Variants in ZRANB1 observed in about 807,000 individuals in gnomAD.
ZRANB1 encodes ubiquitin thioesterase ZRANB1.
ZRANB1 carries 16 observed loss-of-function variants against 80.5 expected under a neutral mutation model. That is an observed-to-expected ratio of 0.20 (90% CI 0.13 to 0.30). The LOEUF is 0.30. Among genes scored for constraint, ZRANB1 ranks in the 10% least tolerant of loss-of-function variants. The pLI, the probability that ZRANB1 is intolerant of heterozygous loss-of-function variation, is 1.00. For missense variants in ZRANB1, 576 were observed against 862.6 expected, an observed-to-expected ratio of 0.67 and a Z score of 4.16; for synonymous variants, 291 against 293.1, an observed-to-expected ratio of 0.99 and a Z score of 0.07.
At chr10:124,961,617 A>G (rs2114834) in intron 1 of ZRANB1, among the ~76,000 whole-genome samples, 95,595 of 152,084 alleles carry the variant, frequency 0.63, 32,238 homozygotes, top group East Asian at 0.76. Context: ...ACTCTGATCA[A>G]AGATGTAAGG....
At chr10:124,944,516 C>A (rs1447222065) in intron 1 of ZRANB1, among the ~76,000 whole-genome samples, 1 of 119,238 alleles carries the variant, frequency 8.4e-6, no homozygotes, top group Admixed American at 1.0e-4. Flanking sequence ...GATGGGATCT[C>A]ACTCTGTCAC....
the ZRANB1 span, among the ~76,000 whole-genome samples, chr10:124,926,908 A>G: frequency 1.1e-3 from 161 of 152,304 alleles, no homozygotes; most frequent in Non-Finnish European, 1.8e-3. Flanking sequence ...TGTCACATAT[A>G]CAGTCTGTCT....
chr10:124,984,919 A>G lies in ZRANB1; in HGVS notation c.2054A>G (p.Asp685Gly). 6.2e-7 allele frequency: 1 copy of G among 1,613,898 alleles called. No homozygotes were observed. The highest frequency in any genetic ancestry group is 8.5e-7 in the Non-Finnish European group (1 of 1,179,988). The change falls in exon 9 of 9, where the codon GAC (aspartate) becomes GGC (glycine). Residue 685 changes from aspartate to glycine, a missense_variant. Asp to Gly is a moderately conservative substitution (Grantham distance 94). Coordinates refer to ENST00000359653, the MANE Select transcript of ZRANB1 (RefSeq NM_017580.3). ...LVTQMVEKWL[D>G]RYRQIRPCTS... ...ACTCAGATGGTAGAAAAATGGCTTG[A>G]CCGCTACCGACAGATCCGGCCGTGT...
chr10:124,963,253 A>G (rs758944556), intron 1 of ZRANB1, among the ~76,000 whole-genome samples: 2 of 142,478 alleles, frequency 1.4e-5, no homozygotes, highest in Non-Finnish European at 3.0e-5. Flanking sequence ...GTGACAGAGC[A>G]AGACTCTGTC....
At chr10:124,955,467 C>T (rs971583674) in intron 1 of ZRANB1, among the ~76,000 whole-genome samples, 8 of 151,998 alleles carry the variant, frequency 5.3e-5, no homozygotes, top group East Asian at 1.9e-4. Flanking sequence ...GGCCTGCATC[C>T]GTAAAAGGAA....
rs1029348297 is a variant in ZRANB1 at position 124,985,712 on chromosome 10, A to G, written c.*720A>G. ...ATATTTAGATATTTATTTGTTGGGA[A>G]GAATACCTTAAAATGAGGGTTCTTA... On this transcript the variant is annotated 3_prime_UTR_variant, in exon 9 of 9. Transcript: ENST00000359653. 1.3e-5 allele frequency: 2 copies of G among 152,562 alleles called. No individual in the cohort carries two copies. The highest frequency in any genetic ancestry group is 2.9e-5 in the Non-Finnish European group (2 of 68,052). 9.5% of individuals were successfully genotyped at this position (152,562 alleles called of 1,614,324 possible). A position where few individuals can be genotyped will look rare whatever the true frequency, so the allele number is the denominator to read the frequency against.
At chr10:124,922,836 T>C in the ZRANB1 span, among the ~76,000 whole-genome samples, 3 of 152,142 alleles carry the variant, frequency 2.0e-5, no homozygotes, top group East Asian at 5.8e-4. Flanking sequence ...CCACTGCGCC[T>C]GGCCCTAAAT....
At chr10:124,917,297 CA>C in the ZRANB1 span, 137 of 151,820 alleles carry the variant, frequency 9.0e-4, no homozygotes, top group Non-Finnish European at 1.4e-3. Flanking sequence ...GGGGGCGCCC[CA>C]CCGCGGCCTG....
chr10:124,945,386 G>A (rs2134245549), intron 1 of ZRANB1: 1 of 137,982 alleles, frequency 7.2e-6, no homozygotes, highest in Middle Eastern at 3.9e-3. Context: ...TTGCTTGTAT[G>A]CCTTTGGAAC....
At chr10:124,927,018 G>A in the ZRANB1 span, among the ~76,000 whole-genome samples, 1 of 152,110 alleles carries the variant, frequency 6.6e-6, no homozygotes, top group Non-Finnish European at 1.5e-5. Context: ...GCAGTGGCGC[G>A]ATCTCGGCTC....
the ZRANB1 span, among the ~76,000 whole-genome samples, chr10:124,928,489 G>A: frequency 3.6e-4 from 55 of 152,268 alleles, no homozygotes; most frequent in African/African-American, 1.0e-3. Context: ...TATATTAGAA[G>A]TGTTGAAGGC....
In ZRANB1 at chr10:124,985,747, C is replaced by T. The variant is rs992997795; in HGVS notation, c.*755C>T. 20 of 152,308 alleles carry T rather than the reference C, an allele frequency of 1.3e-4. No individual in the cohort carries two copies. The highest frequency in any genetic ancestry group is 7.9e-4 in the Admixed American group (12 of 15,270). 9.4% of individuals were successfully genotyped at this position (152,308 alleles called of 1,614,324 possible). A position where few individuals can be genotyped will look rare whatever the true frequency, so the allele number is the denominator to read the frequency against. On this transcript the variant is annotated 3_prime_UTR_variant, in exon 9 of 9. Transcript: ENST00000359653. ...AAAATGAGGGTTCTTATTCCAGATT[C>T]TGGGCAGTGGTCTGTGAGTAGTTTT...
At chr10:124,959,504 C>A (rs950392438) in intron 1 of ZRANB1, among the ~76,000 whole-genome samples, 1 of 151,776 alleles carries the variant, frequency 6.6e-6, no homozygotes, top group Non-Finnish European at 1.5e-5. Context: ...CTTTGTCACC[C>A]AGGCTGGGTG....
chr10:124,943,253 C>G lies in ZRANB1; in HGVS notation c.760C>G (p.Gln254Glu). ...ELEVDFKKLKQIKNRMKKTDW... is the reference protein window; with the variant it reads ...ELEVDFKKLKEIKNRMKKTDW... Reference sequence around the variant, plus strand: ...TGAAGTAGACTTTAAAAAACTAAAGCAAATTAAAAACAGGATGAAAAAGAC... The same window carrying G: ...TGAAGTAGACTTTAAAAAACTAAAGGAAATTAAAAACAGGATGAAAAAGAC... Residue 254 changes from glutamine (Q) to glutamate (E), a missense_variant, in exon 1 of 9, where the codon CAA (glutamine) becomes GAA (glutamate). Coordinates refer to ENST00000359653, the MANE Select transcript of ZRANB1 (RefSeq NM_017580.3). 1 of 1,614,064 alleles carries G rather than the reference C, an allele frequency of 6.2e-7. No homozygotes were observed. The highest frequency in any genetic ancestry group is 8.5e-7 in the Non-Finnish European group (1 of 1,180,012).
At chr10:124,981,874 A>AT in intron 6 of ZRANB1, 45 bp downstream of exon 6, 1 of 1,609,690 alleles carries the variant, frequency 6.2e-7, no homozygotes, top group Non-Finnish European at 8.5e-7. Context: ...AAAAGTAAGC[A>AT]TGTAGTCTAA....
chr10:124,981,818 CTT>C lies in ZRANB1; in HGVS notation c.1538_1539del (p.Leu513ArgfsTer2). The C allele has an allele frequency of 6.2e-7, 1 of 1,613,582 alleles. No individual in the cohort carries two copies. The highest frequency in any genetic ancestry group is 8.5e-7 in the Non-Finnish European group (1 of 1,179,804). ...WQEDWAFILS[L>X]ASQPGASLEQ... is the part of the protein sequence containing the mutation. ...AGAAGACTGGGCATTTATACTCTCT[CTT>C]GCTAGTCAGGTGAGGATGCTTCAAG... On this transcript the variant is annotated frameshift_variant, in exon 6 of 9. Coordinates refer to ENST00000359653, the MANE Select transcript of ZRANB1 (RefSeq NM_017580.3). LOFTEE classifies it high-confidence loss of function.
chr10:124,967,814 G>A (rs1238264557), intron 2 of ZRANB1, among the ~76,000 whole-genome samples: 1 of 152,116 alleles, frequency 6.6e-6, no homozygotes, highest in African/African-American at 2.4e-5. Context: ...TCAGTTTCTG[G>A]CTTACATAAC....
At chr10:124,941,000 AAAC>A (rs146988967), upstream of ZRANB1, among the ~76,000 whole-genome samples, 1,870 of 151,974 alleles carry the variant, frequency 0.012, 35 homozygotes, top group African/African-American at 0.039. Context: ...ACAAAAATGA[AAAC>A]AACAACAACA....
At chr10:124,965,488 C>T (rs1014749462) in intron 1 of ZRANB1, among the ~76,000 whole-genome samples, 1 of 152,072 alleles carries the variant, frequency 6.6e-6, no homozygotes, top group Non-Finnish European at 1.5e-5. Context: ...ATTTTGAAGC[C>T]TTGTTATCTT....
Sources: allele counts gnomAD v4.1 joint callset (sites outside exome capture counted in the v4.1 genomes callset), GRCh38; gene constraint gnomAD v4.1.1; transcripts MANE v1.5; gene names NCBI Gene and HGNC (gene_info 2026-07-23, HGNC 2026-07-21).